Variants in GALNT13 observed in about 807,000 individuals in gnomAD.
The protein encoded by GALNT13 is polypeptide N-acetylgalactosaminyltransferase 13.
A neutral mutation model predicts 64.2 loss-of-function variants in GALNT13; 28 were observed. That is an observed-to-expected ratio of 0.44 (90% confidence interval 0.32 to 0.60). The LOEUF (loss-of-function observed/expected upper bound fraction) is 0.60. Among genes scored for constraint, GALNT13 ranks in the 20% least tolerant of loss-of-function variants. The pLI, the probability that GALNT13 is intolerant of heterozygous loss-of-function variation, is 0.05. For synonymous variants in GALNT13, 214 were observed against 224.6 expected, an observed-to-expected ratio of 0.95 and a Z score of 0.42; for missense variants, 577 against 669.8, an observed-to-expected ratio of 0.86 and a Z score of 1.53.
chr2:153,552,726 T>C, the GALNT13 span, among the ~76,000 whole-genome samples: 1 of 152,080 alleles, frequency 6.6e-6, no homozygotes, highest in African/African-American at 2.4e-5. Flanking sequence ...ACCTTTTTGG[T>C]ACCAGGGACC....
the GALNT13 span, among the ~76,000 whole-genome samples, chr2:153,404,813 A>T: frequency 2.6e-5 from 4 of 152,250 alleles, no homozygotes; most frequent in Non-Finnish European, 1.5e-5. Flanking sequence ...ATGCTAGGGT[A>T]TTCAACATTC....
At chr2:154,134,089 T>G (rs1397513446) in intron 3 of GALNT13, among the ~76,000 whole-genome samples, 2 of 152,132 alleles carry the variant, frequency 1.3e-5, no homozygotes, top group Non-Finnish European at 2.9e-5. Flanking sequence ...ATATCATTTC[T>G]ATTCTCGGTT....
chr2:153,923,614 A>G (rs1265937384), intron 2 of GALNT13, among the ~76,000 whole-genome samples: 1 of 151,914 alleles, frequency 6.6e-6, no homozygotes, highest in Non-Finnish European at 1.5e-5. Flanking sequence ...ATATGTATAC[A>G]TGTGCCATGT....
At chr2:153,687,659 A>G in the GALNT13 span, among the ~76,000 whole-genome samples, 1 of 151,984 alleles carries the variant, frequency 6.6e-6, no homozygotes, top group Non-Finnish European at 1.5e-5. Flanking sequence ...TAGTAATTTA[A>G]TAAATCTATG....
the GALNT13 span, among the ~76,000 whole-genome samples, chr2:153,703,959 T>G: frequency 6.6e-6 from 1 of 152,248 alleles, no homozygotes; most frequent in Non-Finnish European, 1.5e-5. Context: ...AAAATTTCTA[T>G]GTTTCTAATA....
chr2:154,215,083 A>G (rs1687971992), intron 4 of GALNT13, among the ~76,000 whole-genome samples: 1 of 152,216 alleles, frequency 6.6e-6, no homozygotes. Context: ...GAGAAAAGTC[A>G]ACATAGAAGA....
chr2:153,208,551 T>A, the GALNT13 span, among the ~76,000 whole-genome samples: 27,903 of 151,992 alleles, frequency 0.18, 2,663 homozygotes, highest in African/African-American at 0.24. Flanking sequence ...GTTTATCTGG[T>A]TGATCGGCAT....
At chr2:154,006,182 T>C (rs1253031428) in intron 3 of GALNT13, among the ~76,000 whole-genome samples, 1 of 152,188 alleles carries the variant, frequency 6.6e-6, no homozygotes, top group Non-Finnish European at 1.5e-5. Context: ...CCAAAACTCA[T>C]TGGACTTCAA....
chr2:153,736,280 T>C, the GALNT13 span, among the ~76,000 whole-genome samples: 2 of 152,166 alleles, frequency 1.3e-5, no homozygotes, highest in Non-Finnish European at 2.9e-5. Context: ...GCTACTGTTA[T>C]TTTGATGTCC....
chr2:153,643,962 A>G, the GALNT13 span, among the ~76,000 whole-genome samples: 1 of 152,010 alleles, frequency 6.6e-6, no homozygotes, highest in African/African-American at 2.4e-5. Context: ...CAATCATCTT[A>G]GCTGTTCTCT....
At chr2:153,317,483 T>C in the GALNT13 span, among the ~76,000 whole-genome samples, 1 of 152,192 alleles carries the variant, frequency 6.6e-6, no homozygotes, top group Non-Finnish European at 1.5e-5. Flanking sequence ...TATGCTAATG[T>C]TGAGGTGGTT....
intron 4 of GALNT13, among the ~76,000 whole-genome samples, chr2:154,214,532 A>G (rs941077222): frequency 6.6e-6 from 1 of 152,056 alleles, no homozygotes; most frequent in Admixed American, 6.6e-5. Flanking sequence ...CCCACGTGTT[A>G]AGGGTGGGAT....
chr2:154,150,944 A>C (rs945792492), intron 4 of GALNT13, among the ~76,000 whole-genome samples: 1 of 151,896 alleles, frequency 6.6e-6, no homozygotes, highest in African/African-American at 2.4e-5. Flanking sequence ...TTCCGCTCTG[A>C]TTTTAGTTAT....
chr2:153,715,087 A>G, the GALNT13 span, among the ~76,000 whole-genome samples: 1 of 152,154 alleles, frequency 6.6e-6, no homozygotes, highest in African/African-American at 2.4e-5. Context: ...TTAGTGAACT[A>G]TCAGCTTGCA....
At chr2:154,195,545 T>G (rs781106931) in intron 4 of GALNT13, among the ~76,000 whole-genome samples, 3 of 152,220 alleles carry the variant, frequency 2.0e-5, no homozygotes, top group Middle Eastern at 3.4e-3. Context: ...CACCCTAAAT[T>G]CAACTTTAAT....
At chr2:153,236,691 G>A in the GALNT13 span, among the ~76,000 whole-genome samples, 1 of 152,038 alleles carries the variant, frequency 6.6e-6, no homozygotes, top group African/African-American at 2.4e-5. Context: ...GAATATTATT[G>A]ATCATTGACA....
At chr2:153,113,486 C>G in the GALNT13 span, among the ~76,000 whole-genome samples, 1 of 151,886 alleles carries the variant, frequency 6.6e-6, no homozygotes, top group African/African-American at 2.4e-5. Context: ...CCAGGTTTCT[C>G]ACAACCTGGA....
At chr2:154,060,647 G>T (rs955046773) in intron 3 of GALNT13, among the ~76,000 whole-genome samples, 2 of 152,102 alleles carry the variant, frequency 1.3e-5, no homozygotes, top group Admixed American at 6.5e-5. Context: ...GTGAGCCACC[G>T]CACCTAAGGC....
intron 1 of GALNT13, among the ~76,000 whole-genome samples, chr2:153,883,359 G>A (rs1686913478): frequency 6.6e-6 from 1 of 151,820 alleles, no homozygotes. Flanking sequence ...TACAGTTAGA[G>A]CAACATTAAT....
Sources: gnomAD v4.1 joint callset for allele counts (sites outside exome capture counted in the v4.1 genomes callset) on GRCh38, gnomAD v4.1.1 for gene constraint, MANE v1.5 for transcripts, NCBI Gene and HGNC (gene_info 2026-07-23, HGNC 2026-07-21) for gene names.